THBS4: variants seen among roughly 807,000 people sequenced by gnomAD.
THBS4 encodes thrombospondin-4.
THBS4 carries 90 observed loss-of-function variants against 115.7 expected under a neutral mutation model. The observed-to-expected ratio is 0.78, with a 90% CI of 0.66 to 0.93. The LOEUF is 0.93. Among genes scored for constraint, THBS4 ranks in the 40% least tolerant of loss-of-function variants. The pLI, the probability that THBS4 is intolerant of heterozygous loss-of-function variation, is 0.00. For missense variants in THBS4, 1,087 were observed against 1,232.7 expected (o/e 0.88, Z 1.77); for synonymous variants, 460 against 479.3 (o/e 0.96, Z 0.53).
At chr5:80,036,068 A>G (rs1434845008) in intron 1 of THBS4, 1 of 989,388 alleles carries the variant, frequency 1.0e-6, no homozygotes, top group African/African-American at 1.7e-5. Flanking sequence ...CCTGAGAAAG[A>G]CGCAGAATTA....
chr5:80,082,255 A>G, intron 20 of THBS4, 151 bp from the exon 21 acceptor site: 2 of 1,005,442 alleles, frequency 2.0e-6, no homozygotes, highest in East Asian at 4.9e-5. Flanking sequence ...GGCAACAGCT[A>G]CAGTACAATC....
intron 14 of THBS4, 49 bp downstream of exon 14, chr5:80,072,445 C>G (rs776279239): frequency 1.3e-6 from 2 of 1,518,408 alleles, no homozygotes; most frequent in Non-Finnish European, 1.8e-6. Flanking sequence ...TTCCTCTATG[C>G]AAAGACTCAT....
At position 80,059,756 on chromosome 5, in the gene THBS4, C is replaced by G. The variant is rs1217634123; in HGVS notation, c.838C>G (p.Pro280Ala). The G allele has an allele frequency of 1.9e-6, 3 of 1,614,076 alleles. No individual in the cohort carries two copies. Among genetic ancestry groups the G allele is most frequent in the Middle Eastern group, 1.6e-4 (1 of 6,084 alleles). The change falls in exon 7 of 22, where the codon CCT becomes GCT. Residue 280 changes from proline to alanine, a missense_variant. By Grantham distance (27) the Pro-to-Ala change is conservative. Around this residue, in one of 3 missense-constraint regions of THBS4, gnomAD observed 979 missense variants for 1,103.7 expected, o/e 0.89. Coordinates refer to ENST00000350881, the MANE Select transcript of THBS4 (RefSeq NM_003248.6). ...AAGCACGGTGGTGCCCCCGGCTCCCCCTGCACCGCCAACACGCCCACCTCG... is the reference window on the plus strand; with the variant it reads ...AAGCACGGTGGTGCCCCCGGCTCCCGCTGCACCGCCAACACGCCCACCTCG... ...TPSTVVPPAP[P>A]APPTRPPRRC... is the part of the protein sequence containing the mutation.
chr5:80,060,041 A>C, intron 7 of THBS4, 136 bp downstream of exon 7: 1 of 762,672 alleles, frequency 1.3e-6, no homozygotes, highest in Non-Finnish European at 2.1e-6. Context: ...ACTTGCTTGG[A>C]GACCCTGAGA....
At chr5:80,031,719 A>G (rs1832590705), upstream of THBS4, among the ~76,000 whole-genome samples, 1 of 152,228 alleles carries the variant, frequency 6.6e-6, no homozygotes, top group Non-Finnish European at 1.5e-5. Context: ...CAATAACACA[A>G]GCACTTTTTA....
In THBS4 at chr5:80,073,388, TTG is replaced by T. The variant is rs202046849; in HGVS notation, c.1892+63_1892+64del. On this transcript the variant is annotated intron_variant, in intron 15 of 21. Transcript: ENST00000350881. ...CAAACATCCGGAGAGGGTTTTTGGTTTGTTTTTTTTTTTGAGGCGGAGTCTCA... is the reference window on the plus strand; with the variant it reads ...CAAACATCCGGAGAGGGTTTTTGGTTTTTTTTTTTTTGAGGCGGAGTCTCA... The T allele has an allele frequency of 2.5e-3, 3,679 of 1,479,904 alleles. 26 individuals carry two copies. Among genetic ancestry groups the T allele is most frequent in the Admixed American group, 3.1e-3 (173 of 56,024 alleles). 91.7% of individuals were successfully genotyped at this position (1,479,904 alleles called of 1,614,324 possible).
intron 1 of THBS4, among the ~76,000 whole-genome samples, chr5:79,995,369 G>A (rs552931642): frequency 1.5e-3 from 226 of 152,282 alleles, no homozygotes; most frequent in South Asian, 0.01. Flanking sequence ...GCACCCTTCC[G>A]CTGAGCATTT....
At chr5:80,044,650 C>A (rs1833005652) in intron 2 of THBS4, among the ~76,000 whole-genome samples, 1 of 152,060 alleles carries the variant, frequency 6.6e-6, no homozygotes, top group African/African-American at 2.4e-5. Context: ...GTCTCGAACT[C>A]CTGGCCTCAA....
At position 80,071,190 on chromosome 5, in the gene THBS4, T is replaced by C; in HGVS notation, c.1720+10T>C. Reference sequence around the variant, plus strand: ...GACATGGATGGAGATGGTAGATTTATCTTGCTTTTGTCTTTTATTTGGAAT... The same window carrying C: ...GACATGGATGGAGATGGTAGATTTACCTTGCTTTTGTCTTTTATTTGGAAT... On this transcript the variant is annotated intron_variant, in intron 13 of 21. Transcript: ENST00000350881. 2 of 1,565,096 alleles carry C rather than the reference T, an allele frequency of 1.3e-6. No individual in the cohort carries two copies. The highest frequency in any genetic ancestry group is 1.7e-6 in the Non-Finnish European group (2 of 1,162,238).
chr5:80,017,277 T>G (rs980365305), intron 2 of THBS4, among the ~76,000 whole-genome samples: 2 of 152,264 alleles, frequency 1.3e-5, no homozygotes, highest in South Asian at 2.1e-4. Flanking sequence ...CTGAAAGAAA[T>G]TTTTTATTTA....
chr5:80,007,687 G>T (rs1832045776), intron 2 of THBS4, among the ~76,000 whole-genome samples: 1 of 152,212 alleles, frequency 6.6e-6, no homozygotes, highest in South Asian at 2.1e-4. Flanking sequence ...GTAGCCCAGA[G>T]AATCATTGAG....
intron 4 of THBS4, 59 bp downstream of exon 4, chr5:80,058,373 T>C (rs1833503907): frequency 1.9e-5 from 24 of 1,291,146 alleles, no homozygotes; most frequent in Non-Finnish European, 2.5e-5. Context: ...AGACCCTGAA[T>C]AGGCTGGGTC....
chr5:80,005,955 T>C (rs1470115272), intron 2 of THBS4, among the ~76,000 whole-genome samples: 1 of 152,012 alleles, frequency 6.6e-6, no homozygotes, highest in East Asian at 1.9e-4. Context: ...TTAGTAGACA[T>C]GGGGTTTCAC....
chr5:80,061,019 G>A (rs185068976), intron 7 of THBS4, among the ~76,000 whole-genome samples: 6 of 152,114 alleles, frequency 3.9e-5, no homozygotes, highest in East Asian at 1.9e-4. Context: ...CAATTAAGAC[G>A]GTCTCTAGTA....
intron 1 of THBS4, among the ~76,000 whole-genome samples, chr5:80,037,139 T>A (rs951733088): frequency 2.4e-4 from 36 of 152,214 alleles, no homozygotes; most frequent in Non-Finnish European, 3.4e-4. Context: ...TATAATTTTT[T>A]TGTGTTATAT....
intron 1 of THBS4, among the ~76,000 whole-genome samples, chr5:79,992,725 A>T (rs370002345): frequency 1.3e-5 from 2 of 152,216 alleles, no homozygotes; most frequent in African/African-American, 4.8e-5. Flanking sequence ...CAAAGGAGAT[A>T]TACACACACC....
At chr5:80,007,593 G>C (rs1299737156) in intron 2 of THBS4, among the ~76,000 whole-genome samples, 1 of 152,208 alleles carries the variant, frequency 6.6e-6, no homozygotes, top group Non-Finnish European at 1.5e-5. Flanking sequence ...TCTCACTCAA[G>C]TTCTACCTCA....
intron 2 of THBS4, among the ~76,000 whole-genome samples, chr5:80,027,130 C>T (rs1199561083): frequency 3.3e-5 from 5 of 152,170 alleles, no homozygotes; most frequent in East Asian, 1.9e-4. Flanking sequence ...TAGAGTCCAC[C>T]TCTTATAATA....
intron 10 of THBS4, 86 bp from the exon 11 acceptor site, chr5:80,070,220 A>G: frequency 2.6e-6 from 3 of 1,162,768 alleles, no homozygotes; most frequent in Non-Finnish European, 3.7e-6. Context: ...CCTGGGATTG[A>G]GCAAAGGAGC....
Sources: allele counts gnomAD v4.1 joint callset (sites outside exome capture counted in the v4.1 genomes callset), GRCh38; gene constraint gnomAD v4.1.1; regional missense constraint gnomAD v4.1.1; transcripts MANE v1.5; gene names NCBI Gene and HGNC (gene_info 2026-07-23, HGNC 2026-07-21).